Variants in RIN2 observed in about 807,000 individuals in gnomAD.
RIN2 encodes Ras and Rab interactor 2, also known as RAB5 interacting protein 2.
In RIN2, 36 loss-of-function variants were observed where a neutral mutation model predicts 78.0. That is an observed-to-expected ratio of 0.46 (90% confidence interval 0.35 to 0.61). The LOEUF (loss-of-function observed/expected upper bound fraction) is 0.61, where lower values mean the gene tolerates loss of function less well. RIN2 is among the 20% of genes least tolerant of loss of function. The pLI, the probability that RIN2 is intolerant of heterozygous loss-of-function variation, is 0.00. For synonymous variants in RIN2, 466 were observed against 466.8 expected (o/e 1.00, Z 0.02); for missense variants, 1,087 against 1,159.7 (o/e 0.94, Z 0.91).
chr20:19,873,147 C>T (rs1045911169), intron 2 of RIN2, among the ~76,000 whole-genome samples: 34 of 150,918 alleles, frequency 2.3e-4, no homozygotes, highest in African/African-American at 8.1e-4. Context: ...ATTTTTGAGA[C>T]AGAGTCTTGC....
At chr20:19,778,975 G>T (rs901585090) in intron 1 of RIN2, among the ~76,000 whole-genome samples, 1 of 152,164 alleles carries the variant, frequency 6.6e-6, no homozygotes, top group Non-Finnish European at 1.5e-5. Flanking sequence ...TTTGGACTTA[G>T]AACATCACTA....
intron 2 of RIN2, chr20:19,809,630 C>G (rs2035524557): frequency 6.6e-6 from 1 of 152,430 alleles, no homozygotes; most frequent in Admixed American, 6.5e-5. Flanking sequence ...AAAGTCTGAT[C>G]AGCGAGCAGG....
intron 1 of RIN2, among the ~76,000 whole-genome samples, chr20:19,776,925 C>T: frequency 6.6e-6 from 1 of 152,128 alleles, no homozygotes; most frequent in East Asian, 1.9e-4. Flanking sequence ...ACACCTTGGT[C>T]ACATGTTCTC....
intron 1 of RIN2, among the ~76,000 whole-genome samples, chr20:19,787,994 C>T (rs1236749567): frequency 6.6e-6 from 1 of 152,062 alleles, no homozygotes; most frequent in Admixed American, 6.5e-5. Context: ...ACTTGTATTT[C>T]CAAATAAGTT....
rs188102530 is a variant in RIN2, at chr20:19,822,367, G to A, written c.-37+22620G>A. ...GTTAGTATAGATGAATCCAAAGAAC[G>A]GCAAGAATTTTCAGAGGGTGGATCG... is the stretch of plus-strand genomic sequence containing the variant. On this transcript the variant is annotated intron_variant, in intron 2 of 12. Coordinates refer to ENST00000255006, the MANE Select transcript of RIN2 (RefSeq NM_018993.4). Among the ~76,000 whole-genome samples the A allele has an allele frequency of 3.9e-5, 6 of 152,206 alleles. No individual in the cohort carries two copies. In the East Asian group the frequency reaches 7.7e-4, roughly 20 times the overall value.
chr20:19,817,027 A>T (rs565576523), intron 2 of RIN2, among the ~76,000 whole-genome samples: 1 of 117,686 alleles, frequency 8.5e-6, no homozygotes, highest in Non-Finnish European at 1.8e-5. Context: ...GAATGTGGAG[A>T]CAAGAAGTGT....
intron 4 of RIN2, 22 bp downstream of exon 4, chr20:19,935,221 T>C (rs1450583945): frequency 1.3e-6 from 2 of 1,569,714 alleles, no homozygotes; most frequent in South Asian, 1.2e-5. Flanking sequence ...CACGGTTAGG[T>C]GATGGGTGCG....
Position 19,996,786 on chromosome 20 carries a change from C to T in RIN2, c.2308C>T (p.Gln770Ter). Residue 770 changes from glutamine to a stop codon, truncating the protein, a stop_gained, in exon 12 of 13, where the codon CAG becomes TAG. Transcript: ENST00000255006. LOFTEE classifies it high-confidence loss of function. ...LSSETRDTLR[Q>*]WHKRRTTNRT... ...CTCAGAAACCAGAGACACCCTGAGG[C>T]AGTGGCACAAACGGAGAACCACCAA... 6.2e-7 allele frequency: 1 copy of T among 1,611,458 alleles called. No individual in the cohort carries two copies. Among genetic ancestry groups the T allele is most frequent in the Non-Finnish European group, 8.5e-7 (1 of 1,178,760 alleles).
chr20:19,833,518 C>G (rs2036315085), intron 2 of RIN2, among the ~76,000 whole-genome samples: 2 of 152,160 alleles, frequency 1.3e-5, no homozygotes, highest in African/African-American at 4.8e-5. Context: ...CCTTGGTGTT[C>G]AGCTTTTCTG....
intron 1 of RIN2, among the ~76,000 whole-genome samples, chr20:19,794,773 A>G (rs1049997549): frequency 6.6e-6 from 1 of 152,154 alleles, no homozygotes; most frequent in Non-Finnish European, 1.5e-5. Context: ...CAGGGTTTCT[A>G]TGAGAACAGC....
At chr20:19,785,738 A>G (rs1482735409) in intron 1 of RIN2, among the ~76,000 whole-genome samples, 1 of 152,222 alleles carries the variant, frequency 6.6e-6, no homozygotes, top group Admixed American at 6.5e-5. Context: ...GATCAAGTTG[A>G]GTGGATTAAA....
At chr20:19,980,700 A>G (rs1435800500) in intron 9 of RIN2, among the ~76,000 whole-genome samples, 1 of 152,152 alleles carries the variant, frequency 6.6e-6, no homozygotes. Flanking sequence ...TTTAGGGCAC[A>G]CCTATGTTTT....
At chr20:19,786,769 A>G (rs1468877378) in intron 1 of RIN2, among the ~76,000 whole-genome samples, 1 of 152,196 alleles carries the variant, frequency 6.6e-6, no homozygotes, top group Non-Finnish European at 1.5e-5. Context: ...TGTTTTGGAT[A>G]ATTTTTATAG....
chr20:19,817,192 G>A (rs986193696), intron 2 of RIN2, among the ~76,000 whole-genome samples: 12 of 152,140 alleles, frequency 7.9e-5, no homozygotes, highest in Non-Finnish European at 1.5e-4. Context: ...GGTCCATTCC[G>A]GCTGCTCTAA....
intron 3 of RIN2, among the ~76,000 whole-genome samples, chr20:19,909,902 G>A (rs1454914983): frequency 6.6e-6 from 1 of 152,154 alleles, no homozygotes; most frequent in African/African-American, 2.4e-5. Context: ...ATGCGGCCAT[G>A]CCTGGGAGCC....
At chr20:19,922,176 T>G (rs1178802676) in intron 3 of RIN2, among the ~76,000 whole-genome samples, 1 of 152,176 alleles carries the variant, frequency 6.6e-6, no homozygotes, top group Non-Finnish European at 1.5e-5. Flanking sequence ...TGGGTCCGTC[T>G]TAAAGGGAGC....
intron 2 of RIN2, among the ~76,000 whole-genome samples, chr20:19,871,187 A>C (rs974611694): frequency 6.6e-6 from 1 of 152,172 alleles, no homozygotes; most frequent in African/African-American, 2.4e-5. Flanking sequence ...GCAGATCTGG[A>C]CCAAGGCACA....
Position 20,000,659 on chromosome 20 carries a change from G to C in RIN2, c.2411G>C (p.Gly804Ala), listed in dbSNP as rs2043115556. ...AFQEVNSGCT[G>A]KTLLVRPYIT... ...CAGGAGGTCAACAGTGGTTGCACAGGAAAGACCCTCCTTGTGAGACCTTAC... is the reference window on the plus strand; with the variant it reads ...CAGGAGGTCAACAGTGGTTGCACAGCAAAGACCCTCCTTGTGAGACCTTAC... Residue 804 changes from glycine (G) to alanine (A), a missense_variant, in exon 13 of 13, where the codon GGA becomes GCA. Coordinates refer to ENST00000255006, the MANE Select transcript of RIN2 (RefSeq NM_018993.4). The C allele has an allele frequency of 6.2e-7, 1 of 1,611,360 alleles. No individual in the cohort carries two copies. The highest frequency in any genetic ancestry group is 1.7e-5 in the Admixed American group (1 of 59,960).
At chr20:19,865,488 C>CTTTTTTTTTTT (rs58947389) in intron 2 of RIN2, among the ~76,000 whole-genome samples, 1 of 135,868 alleles carries the variant, frequency 7.4e-6, no homozygotes, top group Non-Finnish European at 1.5e-5. Context: ...TACTTTCTTT[C>CTTTTTTTTTTT]TTTTTTTTTT....
Sources: gnomAD v4.1 joint callset for allele counts (sites outside exome capture counted in the v4.1 genomes callset) on GRCh38, gnomAD v4.1.1 for gene constraint, MANE v1.5 for transcripts, NCBI Gene and HGNC (gene_info 2026-07-23, HGNC 2026-07-21) for gene names.